ADK: variants seen among roughly 807,000 people sequenced by gnomAD.
ADK encodes the protein adenosine kinase.
In ADK, 24 loss-of-function variants were observed where a neutral mutation model predicts 44.7. The observed-to-expected ratio is 0.54, with a 90% CI of 0.39 to 0.76. The LOEUF (loss-of-function observed/expected upper bound fraction) is 0.76, where lower values mean the gene tolerates loss of function less well. Ranked by LOEUF, ADK falls within the 30% of genes least tolerant of loss-of-function variation. The probability of loss-of-function intolerance (pLI) is 0.00; values close to 1 mark genes in which losing one functional copy is unlikely to be tolerated. For missense variants in ADK, 321 were observed against 425.1 expected, an observed-to-expected ratio of 0.76 and a Z score of 2.15; for synonymous variants, 128 against 142.6, an observed-to-expected ratio of 0.90 and a Z score of 0.73.
At chr10:74,415,388 G>A (rs1039824480) in intron 6 of ADK, among the ~76,000 whole-genome samples, 3 of 152,102 alleles carry the variant, frequency 2.0e-5, no homozygotes, top group African/African-American at 7.2e-5. Context: ...TCAGATGGCA[G>A]TGTACATTTT....
At chr10:74,415,955 TAA>T (rs1160037793) in intron 6 of ADK, among the ~76,000 whole-genome samples, 3 of 151,808 alleles carry the variant, frequency 2.0e-5, no homozygotes, top group Admixed American at 6.6e-5. Context: ...GCAAGTGTTA[TAA>T]AGAGTCTTTT....
intron 2 of ADK, 84 bp downstream of exon 2, chr10:74,200,922 C>A: frequency 1.1e-6 from 1 of 927,726 alleles, no homozygotes; most frequent in Non-Finnish European, 1.7e-6. Flanking sequence ...GAATTTACCA[C>A]CGAATGTCTT....
intron 9 of ADK, among the ~76,000 whole-genome samples, chr10:74,629,495 A>G (rs1853336223): frequency 6.6e-6 from 1 of 152,218 alleles, no homozygotes; most frequent in Non-Finnish European, 1.5e-5. Context: ...GAACATGTCT[A>G]TGACAGGAAG....
intron 2 of ADK, among the ~76,000 whole-genome samples, chr10:74,201,837 A>G (rs922381124): frequency 6.6e-6 from 1 of 152,088 alleles, no homozygotes; most frequent in Non-Finnish European, 1.5e-5. Context: ...AAGTAGTAAA[A>G]AAGATTAATG....
intron 9 of ADK, among the ~76,000 whole-genome samples, chr10:74,631,505 G>A (rs932446182): frequency 6.6e-6 from 1 of 151,170 alleles, no homozygotes; most frequent in Non-Finnish European, 1.5e-5. Context: ...TGATCCACCC[G>A]CCTCAGCCTC....
chr10:74,248,186 C>T (rs1845501870), intron 3 of ADK, among the ~76,000 whole-genome samples: 1 of 151,968 alleles, frequency 6.6e-6, no homozygotes, highest in African/African-American at 2.4e-5. Context: ...GATTTTTGCT[C>T]AATAAAGGAA....
At chr10:74,275,710 G>T (rs1189325131) in intron 3 of ADK, among the ~76,000 whole-genome samples, 1 of 151,984 alleles carries the variant, frequency 6.6e-6, no homozygotes, top group Non-Finnish European at 1.5e-5. Flanking sequence ...CCAGGCTGGA[G>T]TGCAGTGGCA....
chr10:74,375,613 T>C (rs757302730), intron 4 of ADK, among the ~76,000 whole-genome samples: 1 of 152,170 alleles, frequency 6.6e-6, no homozygotes, highest in Non-Finnish European at 1.5e-5. Context: ...AGCCTCTTAT[T>C]AGAGTCAGTC....
intron 4 of ADK, among the ~76,000 whole-genome samples, chr10:74,375,724 A>G (rs556507706): frequency 4.6e-5 from 7 of 152,178 alleles, no homozygotes; most frequent in African/African-American, 1.4e-4. Context: ...CAAAGATTTT[A>G]TGGTATCTTC....
At chr10:74,499,585 G>A (rs979449902) in intron 6 of ADK, among the ~76,000 whole-genome samples, 10 of 152,064 alleles carry the variant, frequency 6.6e-5, no homozygotes, top group African/African-American at 1.9e-4. Context: ...CTGCTCAGGA[G>A]GCTGAGGCAG....
intron 1 of ADK, chr10:74,176,581 C>T (rs1180191922): frequency 1.5e-6 from 2 of 1,360,754 alleles, no homozygotes; most frequent in Non-Finnish European, 1.9e-6. Context: ...CCACCGCGCC[C>T]GCTAGTCATC....
intron 6 of ADK, among the ~76,000 whole-genome samples, chr10:74,401,178 C>T (rs1843695092): frequency 6.6e-6 from 1 of 152,136 alleles, no homozygotes; most frequent in South Asian, 2.1e-4. Context: ...TTTTTGAAAA[C>T]ATAAGTCTCA....
intron 6 of ADK, among the ~76,000 whole-genome samples, chr10:74,414,837 G>GT (rs1844313804): frequency 6.6e-6 from 1 of 152,096 alleles, no homozygotes; most frequent in Non-Finnish European, 1.5e-5. Context: ...GTAACACTGT[G>GT]ATTTTTATAC....
chr10:74,547,065 A>G (rs1465751402), intron 7 of ADK, among the ~76,000 whole-genome samples: 1 of 152,038 alleles, frequency 6.6e-6, no homozygotes, highest in Non-Finnish European at 1.5e-5. Flanking sequence ...TATTCCACAC[A>G]CTTTTTATTT....
intron 10 of ADK, among the ~76,000 whole-genome samples, chr10:74,707,032 T>C (rs1255117687): frequency 6.6e-6 from 1 of 152,184 alleles, no homozygotes; most frequent in Admixed American, 6.5e-5. Flanking sequence ...TATTCTTAAC[T>C]TTTTAATCAA....
At chr10:74,269,363 T>C (rs903940749) in intron 3 of ADK, among the ~76,000 whole-genome samples, 4 of 152,226 alleles carry the variant, frequency 2.6e-5, no homozygotes, top group Non-Finnish European at 5.9e-5. Context: ...ATTTGACTTA[T>C]GGCATATTTA....
chr10:74,517,944 ATTATCT>A (rs1175887118), intron 6 of ADK, among the ~76,000 whole-genome samples: 3 of 152,130 alleles, frequency 2.0e-5, no homozygotes, highest in Non-Finnish European at 2.9e-5. Context: ...TGATTTATAC[ATTATCT>A]TAATCGTTGT....
intron 7 of ADK, among the ~76,000 whole-genome samples, chr10:74,577,122 G>C (rs912869965): frequency 1.1e-4 from 16 of 150,272 alleles, no homozygotes; most frequent in African/African-American, 3.7e-4. Context: ...GTGTGTGTGT[G>C]TGTGTGTGTG....
intron 3 of ADK, among the ~76,000 whole-genome samples, chr10:74,296,625 T>C (rs539931312): frequency 1.4e-3 from 211 of 151,750 alleles, no homozygotes; most frequent in African/African-American, 4.6e-3. Context: ...TTTTTCTTTT[T>C]TTTTGAGATG....
Sources: gnomAD v4.1 joint callset for allele counts (sites outside exome capture counted in the v4.1 genomes callset) on GRCh38, gnomAD v4.1.1 for gene constraint, MANE v1.5 for transcripts, NCBI Gene and HGNC (gene_info 2026-07-23, HGNC 2026-07-21) for gene names.